The following CSMD1 variants were observed in gnomAD, a reference collection of about 807,000 sequenced individuals.
The protein encoded by CSMD1 is CUB and sushi domain-containing protein 1.
A neutral mutation model predicts 417.5 loss-of-function variants in CSMD1; 213 were observed. The ratio of observed to expected loss-of-function variants is 0.51; its 90% CI spans 0.46 to 0.57. The LOEUF is 0.57. Among genes scored for constraint, CSMD1 ranks in the 20% least tolerant of loss-of-function variants. CSMD1 has a pLI of 0.00. For synonymous variants in CSMD1, 2,862 were observed against 1,736.8 expected (o/e 1.65, Z -16.11); for missense variants, 6,923 against 4,529.7 (o/e 1.53, Z -15.17).
chr8:3,112,286 T>C (rs1484887212), intron 42 of CSMD1, among the ~76,000 whole-genome samples: 2 of 152,230 alleles, frequency 1.3e-5, no homozygotes, highest in South Asian at 4.1e-4. Flanking sequence ...GACTCCGTGC[T>C]AGTAATTTAG....
intron 2 of CSMD1, among the ~76,000 whole-genome samples, chr8:4,528,416 A>T (rs1563258861): frequency 1.3e-5 from 2 of 152,218 alleles, no homozygotes; most frequent in South Asian, 2.1e-4. Context: ...TGCAAAACAC[A>T]TGTGGACTTT....
rs148871915 is a variant in CSMD1, at chr8:3,563,161, G to C, written c.1344+11784C>G. On this transcript the variant is annotated intron_variant, in intron 10 of 69. Transcript: ENST00000635120. ...CCTATTTCATTGTCCTAATGTATTT[G>C]GCACTGTGTGACTACGTTTTATTTA... Among the ~76,000 whole-genome samples the C allele has an allele frequency of 2.6e-3, 399 of 151,914 alleles. 3 individuals carry two copies. The highest frequency in any genetic ancestry group is 9.3e-3 in the African/African-American group (385 of 41,432).
At chr8:4,361,704 C>T (rs1027953297) in intron 3 of CSMD1, among the ~76,000 whole-genome samples, 1 of 151,776 alleles carries the variant, frequency 6.6e-6, no homozygotes, top group African/African-American at 2.4e-5. Context: ...GCCTGTAATC[C>T]CAACACTTTG....
At chr8:4,219,417 A>G (rs1391714948) in intron 3 of CSMD1, among the ~76,000 whole-genome samples, 1 of 152,222 alleles carries the variant, frequency 6.6e-6, no homozygotes, top group African/African-American at 2.4e-5. Context: ...CAGAGCCTCC[A>G]TGGTAATTGG....
intron 23 of CSMD1, among the ~76,000 whole-genome samples, chr8:3,335,034 A>T (rs1169510127): frequency 6.6e-6 from 1 of 152,210 alleles, no homozygotes; most frequent in Non-Finnish European, 1.5e-5. Flanking sequence ...TCTCTTAAAC[A>T]TTTCTGATAC....
At chr8:4,931,445 A>G (rs1246741592) in intron 1 of CSMD1, among the ~76,000 whole-genome samples, 2 of 152,140 alleles carry the variant, frequency 1.3e-5, no homozygotes, top group African/African-American at 4.8e-5. Context: ...TGCCAATTTC[A>G]AACGCCCAGC....
chr8:4,934,194 G>T (rs1196068022), intron 1 of CSMD1, among the ~76,000 whole-genome samples: 1 of 152,114 alleles, frequency 6.6e-6, no homozygotes, highest in African/African-American at 2.4e-5. Flanking sequence ...GGCTGCCTGA[G>T]CTCAGAAGCA....
At chr8:4,202,056 G>T in intron 3 of CSMD1, among the ~76,000 whole-genome samples, 1 of 151,954 alleles carries the variant, frequency 6.6e-6, no homozygotes, top group East Asian at 1.9e-4. Context: ...GCTGTGGGTT[G>T]GCTCTTAATG....
intron 5 of CSMD1, among the ~76,000 whole-genome samples, chr8:3,814,044 G>C (rs1801233664): frequency 6.6e-6 from 1 of 152,108 alleles, no homozygotes; most frequent in African/African-American, 2.4e-5. Flanking sequence ...TTAAAATAAA[G>C]CTGATGCTTA....
At chr8:4,233,268 A>T (rs1714678) in intron 3 of CSMD1, among the ~76,000 whole-genome samples, 2 of 152,150 alleles carry the variant, frequency 1.3e-5, no homozygotes, top group African/African-American at 2.4e-5. Flanking sequence ...GCTTCTTTGT[A>T]TGCAGAAGTG....
intron 3 of CSMD1, among the ~76,000 whole-genome samples, chr8:4,415,867 A>G (rs2084474591): frequency 6.6e-6 from 1 of 152,204 alleles, no homozygotes; most frequent in African/African-American, 2.4e-5. Context: ...AATATATACA[A>G]GAGGAAACAG....
At chr8:3,078,998 G>A (rs190157608) in intron 49 of CSMD1, among the ~76,000 whole-genome samples, 1 of 152,270 alleles carries the variant, frequency 6.6e-6, no homozygotes, top group East Asian at 1.9e-4. Context: ...CCCATTTGCA[G>A]ATAAAGAACT....
At chr8:4,735,753 C>A (rs147953376) in intron 1 of CSMD1, among the ~76,000 whole-genome samples, 16 of 152,250 alleles carry the variant, frequency 1.1e-4, no homozygotes, top group African/African-American at 3.9e-4. Context: ...GACTGTTAGT[C>A]TTCCTAGTTG....
chr8:4,562,672 G>C (rs1310491370), intron 2 of CSMD1, among the ~76,000 whole-genome samples: 1 of 152,070 alleles, frequency 6.6e-6, no homozygotes, highest in Non-Finnish European at 1.5e-5. Flanking sequence ...TCAAGAGCAA[G>C]TCACGCCACT....
intron 3 of CSMD1, among the ~76,000 whole-genome samples, chr8:4,254,281 A>G (rs1409949264): frequency 1.3e-5 from 2 of 152,062 alleles, no homozygotes; most frequent in Non-Finnish European, 1.5e-5. Context: ...TGTGCCAGTT[A>G]CTTCCCTAAA....
At chr8:4,317,760 A>G (rs1799019002) in intron 3 of CSMD1, among the ~76,000 whole-genome samples, 1 of 152,200 alleles carries the variant, frequency 6.6e-6, no homozygotes, top group Middle Eastern at 3.2e-3. Context: ...GGTTACTTCC[A>G]CACTGCCCCA....
chr8:4,484,000 A>T (rs1452568464), intron 2 of CSMD1, among the ~76,000 whole-genome samples: 1 of 152,124 alleles, frequency 6.6e-6, no homozygotes, highest in African/African-American at 2.4e-5. Flanking sequence ...TGGGAGAAAC[A>T]TCCCATTGCC....
chr8:4,628,381 C>G (rs1435942524), intron 2 of CSMD1, among the ~76,000 whole-genome samples: 1 of 146,164 alleles, frequency 6.8e-6, no homozygotes, highest in Non-Finnish European at 1.5e-5. Flanking sequence ...TGTATATATA[C>G]ACACATATAT....
intron 10 of CSMD1, among the ~76,000 whole-genome samples, chr8:3,548,466 G>A (rs932891501): frequency 5.3e-5 from 8 of 151,758 alleles, no homozygotes; most frequent in African/African-American, 1.5e-4. Flanking sequence ...TTCTGCCTGA[G>A]TCCTCGAGGT....
Sources: gnomAD v4.1 joint callset for allele counts (sites outside exome capture counted in the v4.1 genomes callset) on GRCh38, gnomAD v4.1.1 for gene constraint, MANE v1.5 for transcripts, NCBI Gene and HGNC (gene_info 2026-07-23, HGNC 2026-07-21) for gene names.